ZNF362: variants seen among roughly 807,000 people sequenced by gnomAD.
ZNF362 encodes zinc finger protein 362.
ZNF362 carries 11 observed loss-of-function variants against 42.9 expected under a neutral mutation model. That is an observed-to-expected ratio of 0.26 (90% CI 0.16 to 0.42). The LOEUF (loss-of-function observed/expected upper bound fraction) is 0.42, where lower values mean the gene tolerates loss of function less well. ZNF362 is among the 20% of genes least tolerant of loss of function. The pLI is 1.00. For synonymous variants in ZNF362, 255 were observed against 257.3 expected, an observed-to-expected ratio of 0.99 and a Z score of 0.09; for missense variants, 362 against 576.2, an observed-to-expected ratio of 0.63 and a Z score of 3.81.
the ZNF362 span, among the ~76,000 whole-genome samples, chr1:33,230,462 C>CAATGGTTGTAAGAG: frequency 6.6e-6 from 1 of 152,176 alleles, no homozygotes; most frequent in African/African-American, 2.4e-5. Context: ...AGTCATGGCT[C>CAATGGTTGTAAGAG]TCTCCAGCTT....
chr1:33,290,345 A>G (rs1314252753), intron 6 of ZNF362, among the ~76,000 whole-genome samples: 1 of 151,846 alleles, frequency 6.6e-6, no homozygotes, highest in African/African-American at 2.4e-5. Context: ...TAGTTTGCTG[A>G]GAATGATGGT....
chr1:33,259,361 G>A (rs371853570), intron 1 of ZNF362, among the ~76,000 whole-genome samples: 1 of 152,222 alleles, frequency 6.6e-6, no homozygotes, highest in Admixed American at 6.5e-5. Flanking sequence ...GCAGTCTTGG[G>A]GGGTGGAGGC....
At chr1:33,173,818 G>A in the ZNF362 span, among the ~76,000 whole-genome samples, 1 of 151,610 alleles carries the variant, frequency 6.6e-6, no homozygotes, top group Non-Finnish European at 1.5e-5. Flanking sequence ...TCCTGCCTCA[G>A]CCTCCCAAGT....
the ZNF362 span, among the ~76,000 whole-genome samples, chr1:33,235,381 A>G: frequency 6.6e-6 from 1 of 152,102 alleles, no homozygotes; most frequent in Admixed American, 6.6e-5. Flanking sequence ...GGGAGACACT[A>G]TTGCCATCTT....
the ZNF362 span, chr1:33,159,745 C>A: frequency 6.2e-7 from 1 of 1,613,070 alleles, no homozygotes. The surrounding 1 kb of genome is among the most constrained non-coding windows in gnomAD (Gnocchi z 4.2). Flanking sequence ...TTCAGCCAGC[C>A]GCTCCTGCAG....
chr1:33,136,182 CT>C, the ZNF362 span, among the ~76,000 whole-genome samples: 1 of 149,258 alleles, frequency 6.7e-6, no homozygotes, highest in African/African-American at 2.5e-5. Flanking sequence ...TTCCCTCCCT[CT>C]CTCCCTCCCT....
Position 33,294,563 on chromosome 1 carries a change from C to T in ZNF362, c.909-374C>T, listed in dbSNP as rs145365942. Among the ~76,000 whole-genome samples the T allele has an allele frequency of 2.0e-5, 3 of 152,216 alleles. No homozygotes were observed. Among genetic ancestry groups the T allele is most frequent in the Middle Eastern group, 3.4e-3 (1 of 294 alleles). ...GAGGCTGGGTGGGCAGGGAAGGTCCCGACAAAGCTGTGCATCTGTGTTCTT... is the reference window on the plus strand; with the variant it reads ...GAGGCTGGGTGGGCAGGGAAGGTCCTGACAAAGCTGTGCATCTGTGTTCTT... On this transcript the variant is annotated intron_variant, in intron 6 of 8. Coordinates refer to ENST00000539719, the MANE Select transcript of ZNF362 (RefSeq NM_152493.3). The surrounding 1 kb of genome is among the most constrained non-coding windows in gnomAD (Gnocchi z 4.2).
chr1:33,194,532 CA>C, the ZNF362 span, among the ~76,000 whole-genome samples: 2,511 of 103,734 alleles, frequency 0.024, 66 homozygotes, highest in African/African-American at 0.088. Flanking sequence ...GACCCTGTCT[CA>C]AAAAAAAAAA....
the ZNF362 span, among the ~76,000 whole-genome samples, chr1:33,243,351 ATT>A: frequency 5.0e-5 from 7 of 140,844 alleles, no homozygotes; most frequent in African/African-American, 2.6e-5. Context: ...TAATTTTTGT[ATT>A]TTTTTTTTTT....
chr1:33,155,585 CCCGA>C, the ZNF362 span, among the ~76,000 whole-genome samples: 1 of 152,164 alleles, frequency 6.6e-6, no homozygotes, highest in African/African-American at 2.4e-5. Context: ...GGCTCTGGGG[CCCGA>C]CGTTGGGGTT....
At chr1:33,138,640 A>AAAAAAAAAAAG in the ZNF362 span, among the ~76,000 whole-genome samples, 7 of 149,394 alleles carry the variant, frequency 4.7e-5, no homozygotes, top group South Asian at 2.1e-4. Flanking sequence ...AAAAAAAAAA[A>AAAAAAAAAAAG]AAAAAGAAAA....
chr1:33,298,039 G>A (rs1403211433), intron 8 of ZNF362, among the ~76,000 whole-genome samples: 1 of 152,216 alleles, frequency 6.6e-6, no homozygotes, highest in Non-Finnish European at 1.5e-5. Flanking sequence ...AGCATATTGA[G>A]GTCTGAAGTC....
chr1:33,250,865 G>GAAGAAGAAGAAGAAT, the ZNF362 span, among the ~76,000 whole-genome samples: 1 of 147,514 alleles, frequency 6.8e-6, no homozygotes, highest in African/African-American at 2.6e-5. Flanking sequence ...AGAAGAAGAA[G>GAAGAAGAAGAAGAAT]AAGAAGAAGA....
chr1:33,136,255 CTTTT>C, the ZNF362 span, among the ~76,000 whole-genome samples: 5 of 149,710 alleles, frequency 3.3e-5, no homozygotes, highest in Admixed American at 2.0e-4. Flanking sequence ...TTCTCTCTTT[CTTTT>C]TCTTTCTCTC....
chr1:33,128,203 C>CAA, the ZNF362 span, among the ~76,000 whole-genome samples: 1,518 of 83,632 alleles, frequency 0.018, 13 homozygotes, highest in African/African-American at 0.025. Context: ...CCCACCTCTC[C>CAA]AAAAAAAAAA....
chr1:33,155,148 T>C, the ZNF362 span, among the ~76,000 whole-genome samples: 2 of 149,268 alleles, frequency 1.3e-5, no homozygotes, highest in Admixed American at 1.3e-4. Context: ...CTCGGCTCAT[T>C]GCAGCCTTCA....
the ZNF362 span, among the ~76,000 whole-genome samples, chr1:33,193,376 T>G: frequency 6.6e-6 from 1 of 152,196 alleles, no homozygotes. Context: ...GATCTTCTTG[T>G]GAAACTACCT....
At chr1:33,271,270 C>T (rs1645902129) in intron 2 of ZNF362, among the ~76,000 whole-genome samples, 1 of 152,244 alleles carries the variant, frequency 6.6e-6, no homozygotes. Flanking sequence ...CGTGGCTCCC[C>T]TCACACTGTT....
At chr1:33,274,284 G>A (rs1010519062) in intron 2 of ZNF362, among the ~76,000 whole-genome samples, 1 of 152,226 alleles carries the variant, frequency 6.6e-6, no homozygotes, top group African/African-American at 2.4e-5. Context: ...CCTTGAACAA[G>A]TCACTCCACC....
Sources: gnomAD v4.1 joint callset for allele counts (sites outside exome capture counted in the v4.1 genomes callset) on GRCh38, gnomAD v4.1.1 for gene constraint, Gnocchi (gnomAD v3.1) non-coding constraint, MANE v1.5 for transcripts, NCBI Gene and HGNC (gene_info 2026-07-23, HGNC 2026-07-21) for gene names.